The following HGFAC variants were observed in gnomAD, a reference collection of about 807,000 sequenced individuals.
The protein encoded by HGFAC is hepatocyte growth factor activator serine protease.
A neutral mutation model predicts 70.6 loss-of-function variants in HGFAC; 76 were observed. The ratio of observed to expected loss-of-function variants is 1.08; its 90% CI spans 0.89 to 1.30. The LOEUF is 1.30. Ranked by LOEUF, HGFAC falls within the 50% of genes most tolerant of loss-of-function variation. The probability of loss-of-function intolerance (pLI) is 0.00; values close to 1 mark genes in which losing one functional copy is unlikely to be tolerated. For missense variants in HGFAC, 1,044 were observed against 933.7 expected (o/e 1.12, Z -1.54); for synonymous variants, 464 against 405.3 (o/e 1.14, Z -1.74).
chr4:3,449,141 G>A (rs1725636859), intron 13 of HGFAC, 96 bp from the exon 14 acceptor site: 20 of 1,098,104 alleles, frequency 1.8e-5, no homozygotes, highest in Non-Finnish European at 2.5e-5. Flanking sequence ...GCTCAGAAAT[G>A]CCTTTGTCCT....
At chr4:3,448,577 G>A (rs1320333201) in intron 13 of HGFAC, among the ~76,000 whole-genome samples, 2 of 152,210 alleles carry the variant, frequency 1.3e-5, no homozygotes, top group Admixed American at 1.3e-4. Flanking sequence ...AGTGCTTTCC[G>A]TGTGACACTA....
At chr4:3,442,358 G>C (rs1480120239) in intron 1 of HGFAC, among the ~76,000 whole-genome samples, 3 of 152,210 alleles carry the variant, frequency 2.0e-5, no homozygotes, top group Non-Finnish European at 4.4e-5. Context: ...GTGCGGCCTG[G>C]CCTGGGCCCC....
intron 10 of HGFAC, among the ~76,000 whole-genome samples, chr4:3,446,518 A>T (rs545565750): frequency 3.3e-5 from 5 of 152,260 alleles, no homozygotes; most frequent in South Asian, 2.1e-4. Context: ...GAGGGAGGCC[A>T]GGGGTCAGTG....
chr4:3,448,056 CCAGCGCCCCGCCAGGGTGGA>C (rs1725585048), intron 12 of HGFAC, 21 bp downstream of exon 12: 1 of 1,553,804 alleles, frequency 6.4e-7, no homozygotes, highest in Admixed American at 1.9e-5. Context: ...AGGGGGGCGC[CCAGCGCCCCGCCAGGGTGGA>C]CAGTGGCCAG....
At position 3,442,801 on chromosome 4, in the gene HGFAC, G is replaced by C. The variant is rs141556865; in HGVS notation, c.187G>C (p.Val63Leu). The change falls in exon 2 of 14, where the codon GTG (valine) becomes CTG (leucine). Residue 63 changes from valine to leucine, a missense_variant. Val to Leu is a conservative substitution (Grantham distance 32, BLOSUM62 1). Coordinates refer to ENST00000382774, the MANE Select transcript of HGFAC (RefSeq NM_001528.4). ...GATCCCCACTATCCTGGTGACCTCTGTGACCTCTGAGACCCCAGCAACAAG... is the reference window on the plus strand; with the variant it reads ...GATCCCCACTATCCTGGTGACCTCTCTGACCTCTGAGACCCCAGCAACAAG... ...PAIPTILVTS[V>L]TSETPATSAP... 1.9e-6 allele frequency: 3 copies of C among 1,586,584 alleles called. No homozygotes were observed. The highest frequency in any genetic ancestry group is 2.6e-6 in the Non-Finnish European group (3 of 1,168,788).
At position 3,442,855 on chromosome 4, in the gene HGFAC, G is replaced by T; in HGVS notation, c.241G>T (p.Gly81Trp). 1 of 1,579,290 alleles carries T rather than the reference G, an allele frequency of 6.3e-7. No individual in the cohort carries two copies. The highest frequency in any genetic ancestry group is 8.6e-7 in the Non-Finnish European group (1 of 1,165,854). ...TCCAGAGGCAGAGGGACCCCAAAGT[G>T]GGGGGCTCCCGCCCCCGCCCAGGGC... ...SAPEAEGPQS[G>W]GLPPPPRAVP... Residue 81 changes from glycine to tryptophan, a missense_variant, in exon 2 of 14, where the codon GGG becomes TGG. By Grantham distance (184) the Gly-to-Trp change is radical. Transcript: ENST00000382774.
chr4:3,445,889 G>A, intron 9 of HGFAC, 153 bp from the exon 10 acceptor site: 1 of 1,547,894 alleles, frequency 6.5e-7, no homozygotes, highest in Non-Finnish European at 8.7e-7. Flanking sequence ...TGGAAACTGA[G>A]GGCAGAGGTG....
chr4:3,449,136 G>C, intron 13 of HGFAC, 101 bp from the exon 14 acceptor site: 1 of 1,069,764 alleles, frequency 9.3e-7, no homozygotes, highest in Non-Finnish European at 1.4e-6. Flanking sequence ...CCCTTGCTCA[G>C]AAATGCCTTT....
rs758157248 is a variant in HGFAC, at chr4:3,447,514, G to A, written c.1378G>A (p.Val460Met). The A allele has an allele frequency of 3.5e-5, 57 of 1,612,522 alleles. No individual in the cohort carries two copies. Among genetic ancestry groups the A allele is most frequent in the Non-Finnish European group, 4.2e-5 (49 of 1,179,894 alleles). Reference protein sequence around the residue: ...SHSPPRDSVSVVLGQHFFNRT... With the variant: ...SHSPPRDSVSMVLGQHFFNRT... ...CAGCCCCCCCAGGGACAGCGTCTCC[G>A]TGGTGCTGGGCCAGCACTTCTTCAA... The change falls in exon 11 of 14, where the codon GTG becomes ATG. Residue 460 changes from valine to methionine, a missense_variant. Physicochemically the swap from Val to Met is conservative, Grantham distance 21. Transcript: ENST00000382774.
chr4:3,444,747 C>T lies in HGFAC; in HGVS notation c.841+14C>T. The T allele has an allele frequency of 5.1e-6, 8 of 1,579,096 alleles. No individual in the cohort carries two copies. The highest frequency in any genetic ancestry group is 5.1e-6 in the Non-Finnish European group (6 of 1,166,484). ...TCTGCAACATCGGTGAGTGGGTCAG[C>T]CCCCCGGGGTGCCCTGGGGCAGTGC... On this transcript the variant is annotated intron_variant, in intron 7 of 13. Transcript: ENST00000382774.
Position 3,444,831 on chromosome 4 carries a change from G to C in HGFAC, c.854G>C (p.Arg285Pro). Residue 285 changes from arginine (R) to proline (P), a missense_variant, in exon 8 of 14, where the codon CGC (arginine) becomes CCC (proline). By Grantham distance (103) the Arg-to-Pro change is moderately radical. Coordinates refer to ENST00000382774, the MANE Select transcript of HGFAC (RefSeq NM_001528.4). ...CCTCTGCCCGCAGAGCCTGATGAGC[G>C]CTGCTTCTTGGGGAACGGCACTGGG... The part of the protein sequence containing the change: ...GRLCNIEPDE[R>P]CFLGNGTGYR... 1 of 1,597,674 alleles carries C rather than the reference G, an allele frequency of 6.3e-7. No individual in the cohort carries two copies. The highest frequency in any genetic ancestry group is 8.5e-7 in the Non-Finnish European group (1 of 1,172,144).
intron 9 of HGFAC, 128 bp downstream of exon 9, chr4:3,445,478 G>C (rs1402930618): frequency 1.8e-5 from 13 of 732,014 alleles, no homozygotes; most frequent in Non-Finnish European, 2.9e-5. Context: ...TGGAGCTCAC[G>C]GGATCAGGCT....
rs758127865 is a variant in HGFAC at position 3,444,999 on chromosome 4, C to T, written c.1016+6C>T. The T allele has an allele frequency of 6.4e-6, 10 of 1,565,366 alleles. No homozygotes were observed. The South Asian group carries it at 8.4e-5, about 13-fold the overall frequency. On this transcript the variant is annotated splice_donor_region_variant and intron_variant, in intron 8 of 13. Coordinates refer to ENST00000382774, the MANE Select transcript of HGFAC (RefSeq NM_001528.4). Reference sequence around the variant, plus strand: ...GGCCCCCATGCCTACTGCCGGTCAGCACCACGCCGCTCCAGGCCGCCGCAT... The same window carrying T: ...GGCCCCCATGCCTACTGCCGGTCAGTACCACGCCGCTCCAGGCCGCCGCAT...
At chr4:3,447,837 G>C in intron 11 of HGFAC, 58 bp from the exon 12 acceptor site, 1 of 1,586,870 alleles carries the variant, frequency 6.3e-7, no homozygotes, top group Non-Finnish European at 8.6e-7. Flanking sequence ...CACGGGCCCC[G>C]ACAGCCTCCC....
chr4:3,444,428 G>A lies in HGFAC; in HGVS notation c.716G>A (p.Gly239Asp). The A allele has an allele frequency of 1.9e-6, 3 of 1,599,700 alleles. No individual in the cohort carries two copies. The South Asian group carries it at 3.4e-5, about 18-fold the overall frequency. The change falls in exon 6 of 14, where the codon GGC (glycine) becomes GAC (aspartate). Residue 239 changes from glycine to aspartate, a missense_variant. Transcript: ENST00000382774. The part of the protein sequence containing the change: ...ECFGGRTWCE[G>D]TRHTACLSSP... ...TTCGGGGGCCGGACCTGGTGCGAAG[G>A]CACCCGACATACAGGTGCGCCACGG...
intron 9 of HGFAC, 143 bp from the exon 10 acceptor site, chr4:3,445,899 G>A (rs778016920): frequency 2.3e-5 from 36 of 1,549,108 alleles, no homozygotes; most frequent in Admixed American, 2.0e-5. Flanking sequence ...GGGCAGAGGT[G>A]AGTGGGCGCC....
In HGFAC at chr4:3,449,332, G is replaced by A; in HGVS notation, c.1881G>A (p.Lys627=). 6.2e-7 allele frequency: 1 copy of A among 1,612,012 alleles called. No individual in the cohort carries two copies. The highest frequency in any genetic ancestry group is 1.1e-5 in the South Asian group (1 of 91,002). ...SWGDGCGRLH[K]PGVYTRVANY... is the part of the protein sequence containing the mutation. ...GTGACGGCTGCGGGCGGCTCCACAA[G>A]CCGGGGGTCTACACCCGCGTGGCCA... Residue 627 remains lysine, a synonymous_variant, in exon 14 of 14, where the codon AAG becomes AAA. Transcript: ENST00000382774.
At chr4:3,443,224 A>G in intron 3 of HGFAC, 78 bp downstream of exon 3, 2 of 1,273,366 alleles carry the variant, frequency 1.6e-6, no homozygotes, top group Non-Finnish European at 2.1e-6. Context: ...CCGGGCACAC[A>G]GTAGGCGCTC....
intron 10 of HGFAC, 23 bp downstream of exon 10, chr4:3,446,317 T>A (rs1169035987): frequency 6.3e-7 from 1 of 1,593,830 alleles, no homozygotes; most frequent in East Asian, 2.2e-5. Flanking sequence ...TGGGCCCCAG[T>A]CACCTGCCCT....
Sources: allele counts gnomAD v4.1 joint callset (sites outside exome capture counted in the v4.1 genomes callset), GRCh38; gene constraint gnomAD v4.1.1; transcripts MANE v1.5; gene names NCBI Gene and HGNC (gene_info 2026-07-23, HGNC 2026-07-21).